Variants in BANP observed in about 807,000 individuals in gnomAD.
BANP encodes BTG3 associated nuclear protein, also known as protein BANP.
In BANP, 11 loss-of-function variants were observed where a neutral mutation model predicts 68.1. The ratio of observed to expected loss-of-function variants is 0.16; its 90% confidence interval spans 0.10 to 0.27. The LOEUF (loss-of-function observed/expected upper bound fraction) is 0.27. BANP is among the 10% of genes least tolerant of loss of function. The pLI is 1.00. For missense variants in BANP, 504 were observed against 722.7 expected, an observed-to-expected ratio of 0.70 and a Z score of 3.47; for synonymous variants, 329 against 303.2, an observed-to-expected ratio of 1.09 and a Z score of -0.88.
chr16:88,043,632 G>A (rs1055323351), intron 11 of BANP, among the ~76,000 whole-genome samples: 1 of 152,190 alleles, frequency 6.6e-6, no homozygotes, highest in African/African-American at 2.4e-5. Context: ...TGCAGAATTG[G>A]TTTGAGTAGA....
intron 4 of BANP, among the ~76,000 whole-genome samples, chr16:87,992,773 G>A (rs2066198437): frequency 2.1e-5 from 3 of 146,058 alleles, no homozygotes; most frequent in South Asian, 2.1e-4. Flanking sequence ...CAGCCTGGGA[G>A]ACAGAGTGAG....
At chr16:87,976,667 A>G (rs2062207935) in intron 2 of BANP, among the ~76,000 whole-genome samples, 1 of 152,096 alleles carries the variant, frequency 6.6e-6, no homozygotes, top group South Asian at 2.1e-4. Context: ...AGAAAGTCTG[A>G]TGTCCGTTCA....
At chr16:88,030,351 G>A (rs2077896221) in intron 8 of BANP, among the ~76,000 whole-genome samples, 1 of 152,190 alleles carries the variant, frequency 6.6e-6, no homozygotes, top group Admixed American at 6.5e-5. Flanking sequence ...ACATAGCAAG[G>A]AGAGAAATAG....
In BANP at chr16:87,981,103, C is replaced by T. The variant is rs2063170058; in HGVS notation, c.138C>T (p.Ile46=). 1.9e-6 allele frequency: 3 copies of T among 1,613,974 alleles called. No homozygotes were observed. The East Asian group carries it at 6.7e-5, about 36-fold the overall frequency. ...CTTTGAAACGCCAGCGACTAGAAAT[C>T]AATTGCCAGGATCCATCTATAAAGG... The part of the protein sequence containing the change: ...EPALKRQRLE[I]NCQDPSIKSF... The change falls in exon 3 of 14, where the codon ATC becomes ATT. Residue 46 remains isoleucine (I), a synonymous_variant. Coordinates refer to ENST00000682872, the MANE Select transcript of BANP (RefSeq NM_001386991.1).
chr16:87,985,541 T>C (rs563662942), intron 4 of BANP, among the ~76,000 whole-genome samples: 1 of 152,256 alleles, frequency 6.6e-6, no homozygotes, highest in East Asian at 1.9e-4. Context: ...TACCCTAAAA[T>C]GCAGTTCTTA....
chr16:88,032,118 T>A (rs2078310083), intron 8 of BANP, among the ~76,000 whole-genome samples: 1 of 152,118 alleles, frequency 6.6e-6, no homozygotes, highest in African/African-American at 2.4e-5. Context: ...TTCTCTTTAA[T>A]AATCAATAAT....
intron 12 of BANP, among the ~76,000 whole-genome samples, chr16:88,069,186 GGC>G (rs2089651091): frequency 1.3e-5 from 2 of 152,222 alleles, no homozygotes; most frequent in Non-Finnish European, 2.9e-5. Context: ...CATGGGAAGG[GGC>G]AGCTGTGCCG....
chr16:87,970,708 A>C (rs1006394421), intron 1 of BANP, among the ~76,000 whole-genome samples: 7 of 152,196 alleles, frequency 4.6e-5, no homozygotes, highest in African/African-American at 1.7e-4. Context: ...ATTGCACACA[A>C]GGCAAGGCGT....
At chr16:87,951,963 T>G (rs949807251) in intron 1 of BANP, among the ~76,000 whole-genome samples, 1 of 152,098 alleles carries the variant, frequency 6.6e-6, no homozygotes, top group Non-Finnish European at 1.5e-5. Flanking sequence ...GGCATCGTTT[T>G]TGTGCCTCCT....
chr16:88,002,362 C>T lies in BANP; in HGVS notation c.363-1933C>T, dbSNP rs78099577. 7.8e-4 allele frequency among the ~76,000 whole-genome samples: 119 copies of T among 152,108 alleles called. No homozygotes were observed. The highest frequency in any genetic ancestry group is 2.7e-3 in the African/African-American group (114 of 41,504). On this transcript the variant is annotated intron_variant, in intron 4 of 13. Transcript: ENST00000682872. This position sits in a 1 kb window ranked among gnomAD's most constrained non-coding sequence, Gnocchi z 4.6. ...GACTTACCAAGGGCTTTCTAGTCAGCCGGTGAGGTGCTGGTTTTGTCACGC... is the reference window on the plus strand; with the variant it reads ...GACTTACCAAGGGCTTTCTAGTCAGTCGGTGAGGTGCTGGTTTTGTCACGC...
chr16:88,017,945 G>A (rs1308264861), intron 6 of BANP, among the ~76,000 whole-genome samples: 5 of 152,146 alleles, frequency 3.3e-5, no homozygotes, highest in Admixed American at 6.5e-5. Flanking sequence ...GCACGGGGGC[G>A]ACGCCAGGCC....
chr16:88,055,135 A>T (rs2152843907), intron 11 of BANP, among the ~76,000 whole-genome samples: 1 of 148,686 alleles, frequency 6.7e-6, no homozygotes, highest in African/African-American at 2.5e-5. Flanking sequence ...TTTTTTTTTT[A>T]AACAGATGTA....
chr16:87,955,858 C>T (rs2057943864), intron 1 of BANP, among the ~76,000 whole-genome samples: 1 of 152,192 alleles, frequency 6.6e-6, no homozygotes, highest in Non-Finnish European at 1.5e-5. Context: ...TGAGAAAATG[C>T]TGCACCCAAA....
chr16:87,983,952 T>C (rs2063791665), intron 3 of BANP, 108 bp from the exon 4 acceptor site: 1 of 1,425,280 alleles, frequency 7.0e-7, no homozygotes, highest in Non-Finnish European at 9.4e-7. Context: ...GATTGTTCTG[T>C]CTGAATAGAT....
intron 1 of BANP, among the ~76,000 whole-genome samples, chr16:87,969,636 G>A (rs4843752): frequency 0.35 from 52,743 of 150,808 alleles, 10,471 homozygotes; most frequent in Non-Finnish European, 0.47. Context: ...CATTTCAAGC[G>A]ATTCTCCTGC....
intron 11 of BANP, among the ~76,000 whole-genome samples, chr16:88,051,076 T>G (rs1459807961): frequency 6.6e-6 from 1 of 152,192 alleles, no homozygotes; most frequent in Non-Finnish European, 1.5e-5. Context: ...GCAGTCACTC[T>G]TCTCCCGTGA....
At chr16:88,070,260 A>T (rs920874626) in intron 12 of BANP, among the ~76,000 whole-genome samples, 15 of 152,264 alleles carry the variant, frequency 9.9e-5, no homozygotes, top group African/African-American at 3.6e-4. Context: ...ACAAGGGTTC[A>T]GTGCCTCTAA....
At chr16:88,023,166 T>C (rs1434213368) in intron 7 of BANP, among the ~76,000 whole-genome samples, 1 of 152,106 alleles carries the variant, frequency 6.6e-6, no homozygotes, top group East Asian at 1.9e-4. Flanking sequence ...GACTGAGAGC[T>C]GGGAGGAAGG....
chr16:88,019,179 C>T (rs1371908780), intron 7 of BANP, among the ~76,000 whole-genome samples: 2 of 152,174 alleles, frequency 1.3e-5, no homozygotes, highest in African/African-American at 4.8e-5. Context: ...GTGCCCAGCC[C>T]GGCCTGTGAC....
Sources: allele counts gnomAD v4.1 joint callset (sites outside exome capture counted in the v4.1 genomes callset), GRCh38; gene constraint gnomAD v4.1.1; non-coding constraint Gnocchi (gnomAD v3.1); transcripts MANE v1.5; gene names NCBI Gene and HGNC (gene_info 2026-07-23, HGNC 2026-07-21).